The following FAM240A variants were observed in gnomAD, a reference collection of about 807,000 sequenced individuals.
FAM240A encodes protein FAM240A.
A neutral mutation model predicts 7.3 loss-of-function variants in FAM240A; 8 were observed. The ratio of observed to expected loss-of-function variants is 1.09; its 90% CI spans 0.64 to 1.97. The LOEUF (loss-of-function observed/expected upper bound fraction) is 1.97. Ranked by LOEUF, FAM240A falls within the 30% of genes most tolerant of loss-of-function variation. The pLI is 0.00. For missense variants in FAM240A, 90 were observed against 102.2 expected, an observed-to-expected ratio of 0.88 and a Z score of 0.52; for synonymous variants, 32 against 35.9, an observed-to-expected ratio of 0.89 and a Z score of 0.38.
At chr3:46,623,249 T>C (rs1370489761) in intron 2 of FAM240A, among the ~76,000 whole-genome samples, 1 of 152,208 alleles carries the variant, frequency 6.6e-6, no homozygotes, top group African/African-American at 2.4e-5. Context: ...TTAAGTCTAA[T>C]TTAATTATCG....
chr3:46,617,905 A>G (rs1474195), intron 2 of FAM240A, among the ~76,000 whole-genome samples: 143,967 of 152,294 alleles, frequency 0.95, 68,584 homozygotes, highest in East Asian at 1. Context: ...GCAGTGGAGT[A>G]CAGTGACTCC....
chr3:46,620,795 A>G (rs975654704), intron 2 of FAM240A, among the ~76,000 whole-genome samples: 2 of 152,056 alleles, frequency 1.3e-5, no homozygotes, highest in Non-Finnish European at 2.9e-5. Context: ...AACGTTCAAC[A>G]TTAAAAGACA....
chr3:46,613,715 C>A (rs1258580620), intron 1 of FAM240A, among the ~76,000 whole-genome samples: 1 of 152,112 alleles, frequency 6.6e-6, no homozygotes, highest in Non-Finnish European at 1.5e-5. Flanking sequence ...GCCCGCTCAT[C>A]CTGCAAGTCC....
intron 1 of FAM240A, among the ~76,000 whole-genome samples, chr3:46,616,690 TACACACACACACAC>T (rs3087116): frequency 2.8e-4 from 40 of 143,550 alleles, no homozygotes; most frequent in African/African-American, 6.0e-4. Context: ...AGTATTCCAT[TACACACACACACAC>T]ACACACACAC....
chr3:46,617,189 A>C lies in FAM240A; in HGVS notation c.22A>C (p.Asn8His). 1 of 1,524,140 alleles carries C rather than the reference A, an allele frequency of 6.6e-7. No individual in the cohort carries two copies. The highest frequency in any genetic ancestry group is 8.8e-7 in the Non-Finnish European group (1 of 1,142,694). 94.4% of individuals were successfully genotyped at this position (1,524,140 alleles called of 1,614,324 possible). Reference protein sequence around the residue: MRLFSGMNNQYTRREVFC... With the variant: MRLFSGMHNQYTRREVFC... ...TGGCTATTTTCCTTTTTAGGGGATGAACAATCAATACACCCGTCGGGAGGT... is the reference window on the plus strand; with the variant it reads ...TGGCTATTTTCCTTTTTAGGGGATGCACAATCAATACACCCGTCGGGAGGT... Residue 8 changes from asparagine (N) to histidine (H), a missense_variant, in exon 2 of 3, where the codon AAC (asparagine) becomes CAC (histidine). Transcript: ENST00000640551.
intron 2 of FAM240A, among the ~76,000 whole-genome samples, chr3:46,622,898 G>C (rs1344270080): frequency 1.3e-5 from 2 of 152,106 alleles, no homozygotes. Context: ...TTTCTGTTAT[G>C]TAAAACAGCC....
chr3:46,625,484 C>T lies in FAM240A; in HGVS notation c.*266C>T, dbSNP rs1473784325. ...TAATATCGAAGCTCCATGCAGCATT[C>T]CTTGCTTCTATATAATTATCTTCTA... is the stretch of plus-strand genomic sequence containing the variant. On this transcript the variant is annotated 3_prime_UTR_variant, in exon 3 of 3. Transcript: ENST00000640551. The T allele has an allele frequency of 4.5e-6, 1 of 224,386 alleles. No homozygotes were observed. Among genetic ancestry groups the T allele is most frequent in the Non-Finnish European group, 8.7e-6 (1 of 114,454 alleles). The allele number at this position is 224,386 out of a possible 1,614,324, so 13.9% of individuals were successfully genotyped here. A position where few individuals can be genotyped will look rare whatever the true frequency, so the allele number is the denominator to read the frequency against.
chr3:46,619,506 G>A (rs1213254917), intron 2 of FAM240A, among the ~76,000 whole-genome samples: 1 of 152,160 alleles, frequency 6.6e-6, no homozygotes, highest in Non-Finnish European at 1.5e-5. Flanking sequence ...ACAGGGGTGT[G>A]TACAAACCTC....
In FAM240A at chr3:46,617,229, C is replaced by A. The variant is rs1358351206; in HGVS notation, c.62C>A (p.Thr21Asn). ...YTRREVFCRN[T>N]CHDLKHFWER... is the part of the protein sequence containing the mutation. Reference sequence around the variant, plus strand: ...CGTCGGGAGGTCTTCTGCCGGAACACCTGCCATGATCTCAAGCATTTCTGG... The same window carrying A: ...CGTCGGGAGGTCTTCTGCCGGAACAACTGCCATGATCTCAAGCATTTCTGG... The change falls in exon 2 of 3, where the codon ACC becomes AAC. Residue 21 changes from threonine (T) to asparagine (N), a missense_variant. Physicochemically the swap from Thr to Asn is moderately conservative, Grantham distance 65 (BLOSUM62 0). Coordinates refer to ENST00000640551, the MANE Select transcript of FAM240A (RefSeq NM_001195442.2). 1.3e-6 allele frequency: 2 copies of A among 1,535,226 alleles called. No individual in the cohort carries two copies. The highest frequency in any genetic ancestry group is 1.7e-6 in the Non-Finnish European group (2 of 1,146,490).
At chr3:46,619,300 C>G (rs986927355) in intron 2 of FAM240A, among the ~76,000 whole-genome samples, 2 of 152,148 alleles carry the variant, frequency 1.3e-5, no homozygotes, top group Non-Finnish European at 2.9e-5. Context: ...CTGGGCTCAC[C>G]CTTTTGGGTC....
chr3:46,623,400 A>C (rs1697719145), intron 2 of FAM240A, among the ~76,000 whole-genome samples: 1 of 152,186 alleles, frequency 6.6e-6, no homozygotes, highest in Non-Finnish European at 1.5e-5. Flanking sequence ...TATTCTATAA[A>C]TATTGATTAT....
chr3:46,618,514 A>G (rs529999338), intron 2 of FAM240A, among the ~76,000 whole-genome samples: 40 of 152,286 alleles, frequency 2.6e-4, no homozygotes, highest in African/African-American at 8.7e-4. Flanking sequence ...ACAGCCTCTG[A>G]AGCAAATTGT....
In FAM240A at chr3:46,625,463, A is replaced by T. The variant is rs3796367; in HGVS notation, c.*245A>T. 3.7e-6 allele frequency: 1 copy of T among 272,568 alleles called. No individual in the cohort carries two copies. Among genetic ancestry groups the T allele is most frequent in the Non-Finnish European group, 6.9e-6 (1 of 144,516 alleles). 16.9% of individuals were successfully genotyped at this position (272,568 alleles called of 1,614,324 possible). On this transcript the variant is annotated 3_prime_UTR_variant, in exon 3 of 3. Transcript: ENST00000640551. ...TGTCTCTAAAGATAGCTTATTTAAT[A>T]TCGAAGCTCCATGCAGCATTCCTTG...
intron 1 of FAM240A, among the ~76,000 whole-genome samples, chr3:46,615,083 T>C (rs1332153302): frequency 6.6e-6 from 1 of 152,140 alleles, no homozygotes; most frequent in Admixed American, 6.6e-5. Context: ...GGAGAACCCA[T>C]GTGACAAACA....
rs530895723 is a variant in FAM240A, at chr3:46,619,399, G to A, written c.161+2071G>A. Among the ~76,000 whole-genome samples, 35 of 152,230 alleles carry A rather than the reference G, an allele frequency of 2.3e-4. No individual in the cohort carries two copies. The South Asian group carries it at 6.9e-3, about 30-fold the overall frequency. The stretch of plus-strand genomic sequence containing the variant: ...AAACAGACACTAAGAGAAGTAAGAG[G>A]GATGCTGGAGAGTTACTGCCCTTTG... On this transcript the variant is annotated intron_variant, in intron 2 of 2. Transcript: ENST00000640551.
chr3:46,616,777 A>T (rs1697634807), intron 1 of FAM240A, among the ~76,000 whole-genome samples: 1 of 151,254 alleles, frequency 6.6e-6, no homozygotes, highest in Non-Finnish European at 1.5e-5. Flanking sequence ...ACTTAGTTTG[A>T]CTCCATATCT....
chr3:46,620,250 CCT>C (rs1408674270), intron 2 of FAM240A, among the ~76,000 whole-genome samples: 2 of 151,262 alleles, frequency 1.3e-5, no homozygotes, highest in Non-Finnish European at 2.9e-5. Flanking sequence ...TGCCCTGGGT[CCT>C]GTTTTCTAGC....
chr3:46,616,005 G>T (rs760994365), intron 1 of FAM240A, among the ~76,000 whole-genome samples: 4 of 152,230 alleles, frequency 2.6e-5, no homozygotes, highest in Non-Finnish European at 5.9e-5. Context: ...GATGAAGAAG[G>T]TCATGGCCAT....
chr3:46,624,342 G>A (rs1051527114), intron 2 of FAM240A, among the ~76,000 whole-genome samples: 1 of 140,246 alleles, frequency 7.1e-6, no homozygotes, highest in Non-Finnish European at 1.5e-5. Context: ...CACAATTTCG[G>A]CTCACTGCAA....
Sources: allele counts gnomAD v4.1 joint callset (sites outside exome capture counted in the v4.1 genomes callset), GRCh38; gene constraint gnomAD v4.1.1; transcripts MANE v1.5; gene names NCBI Gene and HGNC (gene_info 2026-07-23, HGNC 2026-07-21).